The following DIP2C variants were observed in gnomAD, a reference collection of about 807,000 sequenced individuals.
The protein encoded by DIP2C is DIP2 acetate--CoA ligase C (putative).
A neutral mutation model predicts 192.4 loss-of-function variants in DIP2C; 33 were observed. The ratio of observed to expected loss-of-function variants is 0.17; its 90% CI spans 0.13 to 0.23. DIP2C has a LOEUF of 0.23. Ranked by LOEUF, DIP2C falls within the 10% of genes least tolerant of loss-of-function variation. The pLI, the probability that DIP2C is intolerant of heterozygous loss-of-function variation, is 1.00. For synonymous variants in DIP2C, 979 were observed against 864.1 expected (o/e 1.13, Z -2.33); for missense variants, 1,537 against 2,110.1 (o/e 0.73, Z 5.32).
chr10:575,401 G>C (rs964274812), intron 1 of DIP2C, among the ~76,000 whole-genome samples: 1 of 152,186 alleles, frequency 6.6e-6, no homozygotes, highest in African/African-American at 2.4e-5. Context: ...CCATACACGA[G>C]GGGAGCAGTG....
intron 1 of DIP2C, among the ~76,000 whole-genome samples, chr10:594,584 A>G (rs182809462): frequency 6.6e-6 from 1 of 152,270 alleles, no homozygotes; most frequent in African/African-American, 2.4e-5. Flanking sequence ...ATTTTAACAT[A>G]AGGGAACGTG....
At chr10:388,024 A>G (rs1010630589) in intron 13 of DIP2C, among the ~76,000 whole-genome samples, 1 of 152,178 alleles carries the variant, frequency 6.6e-6, no homozygotes, top group Non-Finnish European at 1.5e-5. Flanking sequence ...CACATGAGTG[A>G]GCAGCGTTAG....
At chr10:345,552 AAACCCCCCACACC>A (rs1958409777) in intron 26 of DIP2C, among the ~76,000 whole-genome samples, 1 of 134,154 alleles carries the variant, frequency 7.5e-6, no homozygotes, top group Admixed American at 7.4e-5. Flanking sequence ...GTTCTCCCGG[AAACCCCCCACACC>A]CCCAACCCAG....
chr10:618,529 C>G (rs1022160591), intron 1 of DIP2C, among the ~76,000 whole-genome samples: 3 of 152,252 alleles, frequency 2.0e-5, no homozygotes, highest in African/African-American at 7.2e-5. Context: ...AAATACCACA[C>G]AGCGTCCACG....
intron 9 of DIP2C, among the ~76,000 whole-genome samples, chr10:404,205 T>G (rs1390642271): frequency 8.3e-6 from 1 of 121,094 alleles, no homozygotes; most frequent in South Asian, 3.1e-4. Context: ...ATTACTTCAT[T>G]CTGGATTTTT....
intron 1 of DIP2C, among the ~76,000 whole-genome samples, chr10:609,060 A>C (rs1242867279): frequency 6.6e-6 from 1 of 152,156 alleles, no homozygotes. Flanking sequence ...ATATAAACAA[A>C]AGGAGTATCA....
intron 9 of DIP2C, among the ~76,000 whole-genome samples, chr10:400,796 G>C (rs1163424482): frequency 2.0e-5 from 3 of 150,140 alleles, no homozygotes; most frequent in East Asian, 3.9e-4. Context: ...GGTAGCATTA[G>C]CATTACTCTT....
chr10:514,291 G>T (rs1846213847), intron 1 of DIP2C, among the ~76,000 whole-genome samples: 1 of 152,208 alleles, frequency 6.6e-6, no homozygotes, highest in Non-Finnish European at 1.5e-5. Flanking sequence ...CGTCAAGCTT[G>T]TTGAAGGCAT....
At chr10:414,703 A>ATGTG (rs1491313586) in intron 7 of DIP2C, among the ~76,000 whole-genome samples, 1 of 86,454 alleles carries the variant, frequency 1.2e-5, no homozygotes, top group African/African-American at 5.0e-5. Flanking sequence ...TAGAGTGTGT[A>ATGTG]TGTATGTGTG....
chr10:403,853 C>T (rs367667021), intron 9 of DIP2C, among the ~76,000 whole-genome samples: 20 of 91,614 alleles, frequency 2.2e-4, no homozygotes, highest in East Asian at 8.8e-4. Context: ...TGATTTTACA[C>T]GTGTGGTGGC....
At position 310,132 on chromosome 10, in the gene DIP2C, G is replaced by C. The variant is rs184524196; in HGVS notation, c.3925-40C>G. ...AGAGTGGTTAACTCAAGTTTACATG[G>C]AGGGAGATTGGGGTCTGTGCTTCTA... On this transcript the variant is annotated intron_variant, in intron 31 of 36. Coordinates refer to ENST00000280886, the MANE Select transcript of DIP2C (RefSeq NM_014974.3). The C allele has an allele frequency of 1.9e-5, 30 of 1,572,478 alleles. No individual in the cohort carries two copies. The East Asian group carries it at 6.3e-4, about 33-fold the overall frequency.
In DIP2C at chr10:279,688, A is replaced by G. The variant is rs1240440107; in HGVS notation, c.4418+1512T>C. Among the ~76,000 whole-genome samples the G allele has an allele frequency of 2.0e-5, 3 of 152,372 alleles. No individual in the cohort carries two copies. In the East Asian group the frequency reaches 5.8e-4, roughly 29 times the overall value. On this transcript the variant is annotated intron_variant, in intron 36 of 36. Coordinates refer to ENST00000280886, the MANE Select transcript of DIP2C (RefSeq NM_014974.3). ...TGGGAGAGGGAAGGTGGAGCAAAGC[A>G]GTTTGTACCTGGATCATCTCAAACA...
chr10:370,474 T>G (rs1164760481), intron 17 of DIP2C, among the ~76,000 whole-genome samples: 5 of 152,120 alleles, frequency 3.3e-5, no homozygotes, highest in Non-Finnish European at 5.9e-5. Context: ...CCACCCAGTG[T>G]GCCCACCCCA....
intron 36 of DIP2C, 30 bp from the exon 37 acceptor site, chr10:277,607 T>C: frequency 6.2e-7 from 1 of 1,611,090 alleles, no homozygotes; most frequent in East Asian, 2.2e-5. Context: ...GCCATCATTA[T>C]ATGTTTATTA....
chr10:452,181 C>T (rs929691826), intron 3 of DIP2C, among the ~76,000 whole-genome samples: 1 of 152,152 alleles, frequency 6.6e-6, no homozygotes, highest in African/African-American at 2.4e-5. Flanking sequence ...TCACTAAAAA[C>T]AATTGCAAAA....
At chr10:551,537 C>T (rs1848587567) in intron 1 of DIP2C, among the ~76,000 whole-genome samples, 1 of 150,662 alleles carries the variant, frequency 6.6e-6, no homozygotes, top group Non-Finnish European at 1.5e-5. Flanking sequence ...GGCCTCGGTG[C>T]ACAAACCCAC....
intron 7 of DIP2C, among the ~76,000 whole-genome samples, chr10:414,729 GTGTGTGTGTGTACA>G (rs1965440720): frequency 1.4e-5 from 1 of 69,256 alleles, no homozygotes. Context: ...GTGTGTGTGT[GTGTGTGTGTGTACA>G]TATATATATA....
chr10:680,049 G>C (rs1831075815), intron 1 of DIP2C, among the ~76,000 whole-genome samples: 1 of 152,114 alleles, frequency 6.6e-6, no homozygotes, highest in African/African-American at 2.4e-5. Flanking sequence ...GGGAGGGATG[G>C]GCTTGCTTAC....
At chr10:680,535 A>T (rs902878518) in intron 1 of DIP2C, among the ~76,000 whole-genome samples, 6 of 152,194 alleles carry the variant, frequency 3.9e-5, no homozygotes, top group African/African-American at 1.4e-4. Context: ...ACTGACAAAG[A>T]CGCTGAATCT....
Sources: gnomAD v4.1 joint callset for allele counts (sites outside exome capture counted in the v4.1 genomes callset) on GRCh38, gnomAD v4.1.1 for gene constraint, MANE v1.5 for transcripts, NCBI Gene and HGNC (gene_info 2026-07-23, HGNC 2026-07-21) for gene names.